The following COG5 variants were observed in gnomAD, a reference collection of about 807,000 sequenced individuals.
COG5 encodes component of oligomeric golgi complex 5, also known as conserved oligomeric Golgi complex subunit 5.
In COG5, 86 loss-of-function variants were observed where a neutral mutation model predicts 110.4. The ratio of observed to expected loss-of-function variants is 0.78; its 90% CI spans 0.65 to 0.93. The LOEUF (loss-of-function observed/expected upper bound fraction) is 0.93. Among genes scored for constraint, COG5 ranks in the 40% least tolerant of loss-of-function variants. The probability of loss-of-function intolerance (pLI) is 0.00; values close to 1 mark genes in which losing one functional copy is unlikely to be tolerated. For synonymous variants in COG5, 360 were observed against 334.6 expected (o/e 1.08, Z -0.83); for missense variants, 1,077 against 987.0 (o/e 1.09, Z -1.22).
intron 6 of COG5, among the ~76,000 whole-genome samples, chr7:107,415,986 A>G (rs199615359): frequency 0.029 from 2,925 of 102,554 alleles, 296 homozygotes; most frequent in South Asian, 0.068. Context: ...ACGTATGTAT[A>G]TATGTGTGTA....
chr7:107,276,399 A>G (rs796876235), intron 14 of COG5, among the ~76,000 whole-genome samples: 50 of 152,324 alleles, frequency 3.3e-4, no homozygotes, highest in African/African-American at 1.2e-3. Context: ...GGCTAGGTAC[A>G]GTGGCTCACA....
intron 13 of COG5, 48 bp downstream of exon 13, chr7:107,283,523 A>G: frequency 1.3e-6 from 2 of 1,504,100 alleles, no homozygotes; most frequent in Non-Finnish European, 1.9e-6. Flanking sequence ...TATCACTAAC[A>G]AATATGGCAG....
chr7:107,379,840 T>C (rs1814956510), intron 7 of COG5, among the ~76,000 whole-genome samples: 1 of 152,124 alleles, frequency 6.6e-6, no homozygotes, highest in South Asian at 2.1e-4. Flanking sequence ...TGGGAGACTT[T>C]AATGCCCCAC....
At chr7:107,302,610 C>T (rs1807366936) in intron 11 of COG5, among the ~76,000 whole-genome samples, 1 of 152,172 alleles carries the variant, frequency 6.6e-6, no homozygotes, top group Non-Finnish European at 1.5e-5. Flanking sequence ...CCTGATAAAG[C>T]AGCAATGCAC....
intron 6 of COG5, among the ~76,000 whole-genome samples, chr7:107,455,390 A>G (rs149640681): frequency 1.7e-3 from 265 of 152,330 alleles, no homozygotes; most frequent in African/African-American, 6.1e-3. Flanking sequence ...AGGAAGCAAA[A>G]AGTTGATAAA....
intron 19 of COG5, among the ~76,000 whole-genome samples, chr7:107,214,387 G>C (rs1195339398): frequency 6.6e-6 from 1 of 152,132 alleles, no homozygotes; most frequent in Admixed American, 6.5e-5. Context: ...TCAGAAATGA[G>C]AAAGAAATAA....
At chr7:107,384,463 C>G (rs1382087421) in intron 7 of COG5, among the ~76,000 whole-genome samples, 1 of 152,138 alleles carries the variant, frequency 6.6e-6, no homozygotes, top group Non-Finnish European at 1.5e-5. Flanking sequence ...ATTTGAACTG[C>G]CGGGCAGGAA....
chr7:107,408,916 T>C (rs1411064206), intron 7 of COG5, among the ~76,000 whole-genome samples: 7 of 152,144 alleles, frequency 4.6e-5, no homozygotes, highest in Non-Finnish European at 1.0e-4. Context: ...GTCTTTTTCT[T>C]GAGCCCTCCC....
intron 14 of COG5, among the ~76,000 whole-genome samples, chr7:107,260,752 C>T (rs968092587): frequency 2.0e-5 from 3 of 151,912 alleles, no homozygotes; most frequent in East Asian, 1.9e-4. Flanking sequence ...AAAAATGAAA[C>T]GTCATCATGC....
intron 14 of COG5, among the ~76,000 whole-genome samples, chr7:107,279,188 A>C (rs1804957502): frequency 2.0e-5 from 3 of 152,196 alleles, no homozygotes; most frequent in African/African-American, 7.2e-5. Flanking sequence ...TATGAAAAAA[A>C]GCTAATCATC....
intron 17 of COG5, among the ~76,000 whole-genome samples, chr7:107,244,934 C>A (rs778613922): frequency 1.2e-4 from 18 of 152,288 alleles, no homozygotes; most frequent in Non-Finnish European, 2.1e-4. Flanking sequence ...AGGGGCTCCT[C>A]CCCAACCCTC....
intron 17 of COG5, among the ~76,000 whole-genome samples, chr7:107,240,146 G>C (rs893959968): frequency 6.6e-6 from 1 of 152,154 alleles, no homozygotes; most frequent in Non-Finnish European, 1.5e-5. Context: ...AATTTGGAAA[G>C]AAACACGTCA....
intron 6 of COG5, among the ~76,000 whole-genome samples, chr7:107,481,108 C>T (rs190987157): frequency 2.0e-5 from 3 of 152,226 alleles, no homozygotes; most frequent in Non-Finnish European, 2.9e-5. Flanking sequence ...ACTATCAAAC[C>T]CCGAAGCATC....
intron 19 of COG5, among the ~76,000 whole-genome samples, chr7:107,224,812 C>A (rs1021842417): frequency 1.3e-5 from 2 of 152,220 alleles, no homozygotes; most frequent in Non-Finnish European, 2.9e-5. Context: ...ACAAATCACC[C>A]AGGGGCAAAT....
chr7:107,224,206 T>G (rs1207413438), intron 19 of COG5, among the ~76,000 whole-genome samples: 1 of 152,102 alleles, frequency 6.6e-6, no homozygotes, highest in East Asian at 1.9e-4. Flanking sequence ...AGGGTCTTAG[T>G]GTTAAAGGTG....
At position 107,270,882 on chromosome 7, in the gene COG5, CTTTTTTTT is replaced by C. The variant is rs56971368; in HGVS notation, c.1575+10410_1575+10417del. Among the ~76,000 whole-genome samples, 4 of 68,748 alleles carry C rather than the reference CTTTTTTTT, an allele frequency of 5.8e-5. No homozygotes were observed. In the South Asian group the frequency reaches 1.6e-3, roughly 27 times the overall value. 45.1% of individuals were successfully genotyped at this position (68,748 alleles called of 152,430 possible). A position where few individuals can be genotyped will look rare whatever the true frequency, so the allele number is the denominator to read the frequency against. Reference sequence around the variant, plus strand: ...TTATACTTCATTATCCTAACTAGAACTTTTTTTTTTTTTTTTTTTTTTTTTTTGTAGAG... The same window carrying C: ...TTATACTTCATTATCCTAACTAGAACTTTTTTTTTTTTTTTTTTTGTAGAG... On this transcript the variant is annotated intron_variant, in intron 14 of 21. Transcript: ENST00000297135.
intron 7 of COG5, among the ~76,000 whole-genome samples, chr7:107,396,917 AT>A (rs746083133): frequency 1.4e-3 from 207 of 152,374 alleles, no homozygotes; most frequent in Non-Finnish European, 2.5e-3. Flanking sequence ...CCATAAAAAC[AT>A]AGCTTATTTT....
chr7:107,541,527 T>A (rs1412010149), intron 5 of COG5, among the ~76,000 whole-genome samples: 138 of 91,670 alleles, frequency 1.5e-3, no homozygotes, highest in Admixed American at 2.0e-3. Context: ...AAAAAAAATA[T>A]ATATATATAT....
intron 7 of COG5, among the ~76,000 whole-genome samples, chr7:107,376,546 A>G (rs888478956): frequency 2.6e-5 from 4 of 151,744 alleles, no homozygotes; most frequent in African/African-American, 7.3e-5. Context: ...GTATGTTTTT[A>G]AATTTTTTGT....
Sources: allele counts gnomAD v4.1 joint callset (sites outside exome capture counted in the v4.1 genomes callset), GRCh38; gene constraint gnomAD v4.1.1; transcripts MANE v1.5; gene names NCBI Gene and HGNC (gene_info 2026-07-23, HGNC 2026-07-21).